Variants in ABCA2 observed in about 807,000 individuals in gnomAD.
The protein encoded by ABCA2 is ATP binding cassette subfamily A member 2.
Under a neutral mutation model 262.8 loss-of-function variants are expected in ABCA2, and 84 were observed. The observed-to-expected ratio is 0.32, with a 90% CI of 0.27 to 0.38. The LOEUF (loss-of-function observed/expected upper bound fraction) is 0.38. Ranked by LOEUF, ABCA2 falls within the 10% of genes least tolerant of loss-of-function variation. The probability of loss-of-function intolerance (pLI) is 1.00; values close to 1 mark genes in which losing one functional copy is unlikely to be tolerated. For synonymous variants in ABCA2, 1,696 were observed against 1,502.9 expected (o/e 1.13, Z -2.97); for missense variants, 2,662 against 3,405.9 (o/e 0.78, Z 5.44).
chr9:137,009,850 C>A lies in ABCA2; in HGVS notation c.6549G>T (p.Pro2183=), dbSNP rs200580242. Residue 2183 remains proline (P), a synonymous_variant, in exon 43 of 49, where the codon CCG becomes CCT. Transcript: ENST00000341511. ...KLELTKYADK[P]AGTYSGGNKR... ...TGTTGCCGCCGCTGTAGGTGCCAGC[C>A]GGCTTGTCTGCGTACTTGGTCAGCT... is the stretch of plus-strand genomic sequence containing the variant. 6.2e-7 allele frequency: 1 copy of A among 1,612,450 alleles called. No individual in the cohort carries two copies. The highest frequency in any genetic ancestry group is 1.1e-5 in the South Asian group (1 of 91,006).
chr9:137,021,033 T>C lies in ABCA2; in HGVS notation c.926A>G (p.Asp309Gly). The change falls in exon 9 of 49, where the codon GAC becomes GGC. Residue 309 changes from aspartate to glycine, a missense_variant. By Grantham distance (94) the Asp-to-Gly change is moderately conservative. Coordinates refer to ENST00000341511, the MANE Select transcript of ABCA2 (RefSeq NM_001606.5). This position sits in a 1 kb window ranked among gnomAD's most constrained non-coding sequence, Gnocchi z 6.0. ...TGGGGGTGGCGCCTGTGGCGAGGAG[T>C]CCGAGCCGTTGGGGGCATCCAGGCC... ...QLGLDAPNGS[D>G]SSPQAPPPRR... 6.8e-7 allele frequency: 1 copy of C among 1,480,906 alleles called. No homozygotes were observed. The highest frequency in any genetic ancestry group is 9.0e-7 in the Non-Finnish European group (1 of 1,113,820). 91.7% of individuals were successfully genotyped at this position (1,480,906 alleles called of 1,614,324 possible).
rs568471382 is a variant in ABCA2, at chr9:137,021,777, C to G, written c.678+114G>C. ...GCCATAGACCCCTGGGACCCTCCCC[C>G]TCTCCCAGGAGGAGCTCCAAGTCAC... is the stretch of plus-strand genomic sequence containing the variant. On this transcript the variant is annotated intron_variant, in intron 7 of 48. Coordinates refer to ENST00000341511, the MANE Select transcript of ABCA2 (RefSeq NM_001606.5). This position sits in a 1 kb window ranked among gnomAD's most constrained non-coding sequence, Gnocchi z 6.0. 2.5e-5 allele frequency: 32 copies of G among 1,264,206 alleles called. No individual in the cohort carries two copies. The highest frequency in any genetic ancestry group is 4.5e-5 in the African/African-American group (3 of 67,148). 78.3% of individuals were successfully genotyped at this position (1,264,206 alleles called of 1,614,324 possible).
intron 24 of ABCA2, 99 bp from the exon 25 acceptor site, chr9:137,015,196 G>T: frequency 7.4e-7 from 1 of 1,359,942 alleles, no homozygotes; most frequent in South Asian, 1.4e-5. Flanking sequence ...CATTGGAGAG[G>T]AAGAACCAGG....
chr9:137,028,028 G>C lies in ABCA2; in HGVS notation c.66+47C>G. The C allele has an allele frequency of 1.0e-6, 1 of 953,386 alleles. No homozygotes were observed. The highest frequency in any genetic ancestry group is 1.2e-6 in the Non-Finnish European group (1 of 802,658). 59.1% of individuals were successfully genotyped at this position (953,386 alleles called of 1,614,324 possible). Reference sequence around the variant, plus strand: ...GCGCGGGGAGCGCGCCTCTGGCCGCGGTGCGCGCGGCCTCGGGCTGAGGGC... The same window carrying C: ...GCGCGGGGAGCGCGCCTCTGGCCGCCGTGCGCGCGGCCTCGGGCTGAGGGC... On this transcript the variant is annotated intron_variant, in intron 1 of 48. Coordinates refer to ENST00000341511, the MANE Select transcript of ABCA2 (RefSeq NM_001606.5). This position sits in a 1 kb window ranked among gnomAD's most constrained non-coding sequence, Gnocchi z 6.9.
chr9:137,012,177 G>A lies in ABCA2; in HGVS notation c.5300-15C>T, dbSNP rs1482273727. Reference sequence around the variant, plus strand: ...GACGGTGATGCCTGCACACGGCGGGGCGGGGGCGGCAGCTTCAGGCCCCAG... The same window carrying A: ...GACGGTGATGCCTGCACACGGCGGGACGGGGGCGGCAGCTTCAGGCCCCAG... On this transcript the variant is annotated splice_polypyrimidine_tract_variant and intron_variant, in intron 33 of 48. Coordinates refer to ENST00000341511, the MANE Select transcript of ABCA2 (RefSeq NM_001606.5). 6.2e-7 allele frequency: 1 copy of A among 1,611,392 alleles called. No homozygotes were observed. Among genetic ancestry groups the A allele is most frequent in the African/African-American group, 1.3e-5 (1 of 74,892 alleles).
At position 137,022,019 on chromosome 9, in the gene ABCA2, A is replaced by ATGGCTCAGATGGGGATG. The variant is rs56366523; in HGVS notation, c.568-19_568-18insCATCCCCATCTGAGCCA. On this transcript the variant is annotated intron_variant, in intron 6 of 48. Coordinates refer to ENST00000341511, the MANE Select transcript of ABCA2 (RefSeq NM_001606.5). ...TGGTAGACCTAGGAGGTGTGGGGGA[A>ATGGCTCAGATGGGGATG]TGGCTCAGATGGGGTGTGGGGGGCG... 9.0e-6 allele frequency: 12 copies of ATGGCTCAGATGGGGATG among 1,327,948 alleles called. No individual in the cohort carries two copies. The highest frequency in any genetic ancestry group is 1.1e-5 in the Non-Finnish European group (11 of 970,952). The allele number at this position is 1,327,948 out of a possible 1,614,324, so 82.3% of individuals were successfully genotyped here.
Position 137,018,272 on chromosome 9 carries a change from G to A in ABCA2, c.1899C>T (p.Thr633=), listed in dbSNP as rs756927825. The A allele has an allele frequency of 5.6e-6, 9 of 1,610,578 alleles. No homozygotes were observed. Among genetic ancestry groups the A allele is most frequent in the African/African-American group, 2.7e-5 (2 of 74,174 alleles). The part of the protein sequence containing the change: ...HYKIRQNSSF[T]EKTNEIRRAY... Reference sequence around the variant, plus strand: ...CGCGGCGGATCTCGTTGGTTTTCTCGGTGAAGCTGGAGTTCTGGCGGATCT... The same window carrying A: ...CGCGGCGGATCTCGTTGGTTTTCTCAGTGAAGCTGGAGTTCTGGCGGATCT... The change falls in exon 14 of 49, where the codon ACC becomes ACT. Residue 633 remains threonine (T), a synonymous_variant. Transcript: ENST00000341511.
In ABCA2 at chr9:137,009,529, G is replaced by A. The variant is rs2131427266; in HGVS notation, c.6734+12C>T. ...GGGTGGGGGCACAAAGAGGGGGTGG[G>A]GGCGCCCTCACCTGTGTGATGTCAG... is the stretch of plus-strand genomic sequence containing the variant. On this transcript the variant is annotated intron_variant, in intron 44 of 48. Coordinates refer to ENST00000341511, the MANE Select transcript of ABCA2 (RefSeq NM_001606.5). 1 of 1,612,436 alleles carries A rather than the reference G, an allele frequency of 6.2e-7. No homozygotes were observed.
Position 137,009,606 on chromosome 9 carries a change from G to A in ABCA2, c.6669C>T (p.Arg2223=), listed in dbSNP as rs776646525. ...PTTGMDPKAR[R]FLWNLILDLI... ...GGTCAAGGATGAGGTTCCAGAGGAA[G>A]CGCCGGGCCTTGGGGTCCATGCCTG... Residue 2223 remains arginine (R), a synonymous_variant, in exon 44 of 49, where the codon CGC becomes CGT. Coordinates refer to ENST00000341511, the MANE Select transcript of ABCA2 (RefSeq NM_001606.5). 1 of 1,613,008 alleles carries A rather than the reference G, an allele frequency of 6.2e-7. No homozygotes were observed. Among genetic ancestry groups the A allele is most frequent in the Admixed American group, 1.7e-5 (1 of 60,022 alleles).
Position 137,016,718 on chromosome 9 carries a change from G to A in ABCA2, c.2779C>T (p.Pro927Ser), listed in dbSNP as rs576670735. 1.9e-6 allele frequency: 3 copies of A among 1,564,054 alleles called. No homozygotes were observed. The highest frequency in any genetic ancestry group is 4.5e-5 in the East Asian group (2 of 44,474). Residue 927 changes from proline (P) to serine (S), a missense_variant, in exon 20 of 49, where the codon CCC (proline) becomes TCC (serine). Coordinates refer to ENST00000341511, the MANE Select transcript of ABCA2 (RefSeq NM_001606.5). ...GACTTCTGCAGTGGGAAGTACCAGG[G>A]CCGGGGCAGCCCGTACATGCCTGGG... is the stretch of plus-strand genomic sequence containing the variant. ...VHPGMYGLPR[P>S]WYFPLQKSYW...
Position 137,012,693 on chromosome 9 carries a change from G to A in ABCA2, c.5081+19C>T. ...TGGTGGCCGGCCACCCTCACCCACAGCCTCCCCACCCAGCTCACCGGTGCA... is the reference window on the plus strand; with the variant it reads ...TGGTGGCCGGCCACCCTCACCCACAACCTCCCCACCCAGCTCACCGGTGCA... On this transcript the variant is annotated intron_variant, in intron 31 of 48. Transcript: ENST00000341511. 6.2e-7 allele frequency: 1 copy of A among 1,611,804 alleles called. No individual in the cohort carries two copies. Among genetic ancestry groups the A allele is most frequent in the Non-Finnish European group, 8.5e-7 (1 of 1,179,308 alleles).
Position 137,009,011 on chromosome 9 carries a change from G to A in ABCA2, c.6870C>T (p.Ser2290=), listed in dbSNP as rs1249983301. ...ACCGCACCACGTCCTTCACACTCTG[G>A]CTGCTCTTGGTCCGCACCGTGATCA... ...GYMITVRTKS[S]QSVKDVVRFF... The change falls in exon 46 of 49, where the codon AGC becomes AGT. Residue 2290 remains serine (S), a synonymous_variant. Coordinates refer to ENST00000341511, the MANE Select transcript of ABCA2 (RefSeq NM_001606.5). The A allele has an allele frequency of 6.2e-7, 1 of 1,608,392 alleles. No homozygotes were observed. Among genetic ancestry groups the A allele is most frequent in the African/African-American group, 1.3e-5 (1 of 74,488 alleles).
rs747377496 is a variant in ABCA2, at chr9:137,010,983, G to A, written c.6046C>T (p.Arg2016Trp). Residue 2016 changes from arginine (R) to tryptophan (W), a missense_variant, in exon 39 of 49, where the codon CGG becomes TGG. Arg to Trp is a moderately radical substitution (Grantham distance 101). Around this residue, in one of 12 missense-constraint regions of ABCA2, gnomAD observed 602 missense variants for 897.4 expected, o/e 0.67. Transcript: ENST00000341511. ...LTIMCQYNFL[R>W]RPQRMPVSTK... Reference sequence around the variant, plus strand: ...CCGCCCCCCACTCACTGTGGCCGCCGCAGGAAGTTGTACTGGCACATGATG... The same window carrying A: ...CCGCCCCCCACTCACTGTGGCCGCCACAGGAAGTTGTACTGGCACATGATG... The A allele has an allele frequency of 4.2e-6, 6 of 1,438,024 alleles. No individual in the cohort carries two copies. In the Admixed American group the frequency reaches 5.6e-5, roughly 14 times the overall value. 89.1% of individuals were successfully genotyped at this position (1,438,024 alleles called of 1,614,324 possible). A position where few individuals can be genotyped will look rare whatever the true frequency, so the allele number is the denominator to read the frequency against.
rs1226257330 is a variant in ABCA2 at position 137,019,340 on chromosome 9, G to A, written c.1426-34C>T. On this transcript the variant is annotated intron_variant, in intron 10 of 48. Transcript: ENST00000341511. The surrounding 1 kb of genome is among the most constrained non-coding windows in gnomAD (Gnocchi z 4.4). ...GGTGAGGCAGGGGCATGGAGTTTCT[G>A]GACGGACCCCCACCGACTTGGGGGC... The A allele has an allele frequency of 1.9e-6, 3 of 1,606,520 alleles. No homozygotes were observed. The highest frequency in any genetic ancestry group is 1.3e-5 in the African/African-American group (1 of 74,770).
chr9:137,016,373 G>A lies in ABCA2; in HGVS notation c.3022C>T (p.Leu1008=), dbSNP rs749959207. ...TAGAGGTTCAGGCTCAGCTTGTTCAGGGCCAGCTTCTTGTCGTCCTTGTAG... is the reference window on the plus strand; with the variant it reads ...TAGAGGTTCAGGCTCAGCTTGTTCAAGGCCAGCTTCTTGTCGTCCTTGTAG... ...KVYKDDKKLA[L]NKLSLNLYEN... The change falls in exon 21 of 49, where the codon CTG becomes TTG. Residue 1008 remains leucine (L), a synonymous_variant. Transcript: ENST00000341511. The A allele has an allele frequency of 6.8e-6, 11 of 1,612,934 alleles. No individual in the cohort carries two copies. In the South Asian group the frequency reaches 1.2e-4, roughly 18 times the overall value.
chr9:137,010,391 C>G lies in ABCA2; in HGVS notation c.6175-20G>C. 1 of 1,554,982 alleles carries G rather than the reference C, an allele frequency of 6.4e-7. No homozygotes were observed. The highest frequency in any genetic ancestry group is 8.7e-7 in the Non-Finnish European group (1 of 1,149,844). On this transcript the variant is annotated intron_variant, in intron 40 of 48. Transcript: ENST00000341511. ...GTAGACCTGGCCAGGAGCCTGCCCA[C>G]TCAGCGGGGCATCCTGCCCCCACCC...
At position 137,018,321 on chromosome 9, in the gene ABCA2, G is replaced by C. The variant is rs778010749; in HGVS notation, c.1850C>G (p.Ser617Trp). Residue 617 changes from serine to tryptophan, a missense_variant, in exon 14 of 49, where the codon TCG (serine) becomes TGG (tryptophan). This residue lies in a region of ABCA2 where 187 missense variants were observed against 205.9 expected (regional missense o/e 0.91). Transcript: ENST00000341511. ...CTTGTAGTGCACGTGAGGCGGGAGC[G>C]AGCCGTCCTTCCGGGTCTGGAAGAT... ...SVIFQTRKDG[S>W]LPPHVHYKIR... is the part of the protein sequence containing the mutation. 6.9e-6 allele frequency: 11 copies of C among 1,602,582 alleles called. No individual in the cohort carries two copies. Among genetic ancestry groups the C allele is most frequent in the Middle Eastern group, 1.7e-4 (1 of 6,046 alleles).
In ABCA2 at chr9:137,020,902, T is replaced by C. The variant is rs1181980352; in HGVS notation, c.1057A>G (p.Thr353Ala). The C allele has an allele frequency of 1.3e-6, 2 of 1,560,090 alleles. No homozygotes were observed. Among genetic ancestry groups the C allele is most frequent in the Admixed American group, 3.9e-5 (2 of 51,416 alleles). The change falls in exon 9 of 49, where the codon ACT becomes GCT. Residue 353 changes from threonine to alanine, a missense_variant. This residue lies in a region of ABCA2 where 403 missense variants were observed against 375.9 expected (regional missense o/e 1.07). Coordinates refer to ENST00000341511, the MANE Select transcript of ABCA2 (RefSeq NM_001606.5). Reference protein sequence around the residue: ...LALLLPQGACTGRTPGPPASG... With the variant: ...LALLLPQGACAGRTPGPPASG... ...GCTGGGGGTCCGGGGGTCCGGCCAG[T>C]GCAGGCACCCTGGGGCAGTAGCAGG...
chr9:137,008,124 T>C (rs1302054512), intron 48 of ABCA2, 160 bp from the exon 49 acceptor site: 1 of 947,794 alleles, frequency 1.1e-6, no homozygotes, highest in Non-Finnish European at 1.6e-6. Flanking sequence ...CGGGCCTCCG[T>C]CTGCCGAGTC....
Sources: allele counts gnomAD v4.1 joint callset, GRCh38; gene constraint gnomAD v4.1.1; regional missense constraint gnomAD v4.1.1; non-coding constraint Gnocchi (gnomAD v3.1); transcripts MANE v1.5; gene names NCBI Gene and HGNC (gene_info 2026-07-23, HGNC 2026-07-21).